SPNS3: variants seen among roughly 807,000 people sequenced by gnomAD.
SPNS3 encodes SPNS lysolipid transporter 3, sphingosine-1-phosphate (putative).
SPNS3 carries 51 observed loss-of-function variants against 54.4 expected under a neutral mutation model. The observed-to-expected ratio is 0.94, with a 90% CI of 0.75 to 1.18. The LOEUF is 1.18. Ranked by LOEUF, SPNS3 falls within the 50% of genes most tolerant of loss-of-function variation. The probability of loss-of-function intolerance (pLI) is 0.00; values close to 1 mark genes in which losing one functional copy is unlikely to be tolerated. For synonymous variants in SPNS3, 309 were observed against 294.7 expected (o/e 1.05, Z -0.50); for missense variants, 669 against 677.4 (o/e 0.99, Z 0.14).
intron 8 of SPNS3, among the ~76,000 whole-genome samples, chr17:4,454,728 C>T (rs1294153546): frequency 1.4e-5 from 2 of 144,910 alleles, no homozygotes; most frequent in East Asian, 4.3e-4. Flanking sequence ...TCAAGTGATT[C>T]TCCTGACTCA....
chr17:4,444,220 C>CTT (rs201580393), intron 2 of SPNS3, among the ~76,000 whole-genome samples: 21 of 146,294 alleles, frequency 1.4e-4, no homozygotes, highest in South Asian at 8.7e-4. Flanking sequence ...TATGCTTATT[C>CTT]TTTTTTTTTT....
Position 4,487,810 on chromosome 17 carries a change from C to A in SPNS3, c.1455C>A (p.Thr485=), listed in dbSNP as rs1972362706. ...TGAGCATCTTTCCTCCTGCAGGGACCCCAGACAGCAATGATGTGGACAGCA... is the reference window on the plus strand; with the variant it reads ...TGAGCATCTTTCCTCCTGCAGGGACACCAGACAGCAATGATGTGGACAGCA... The part of the protein sequence containing the change: ...ETRAWQPVTG[T]PDSNDVDSND... Residue 485 remains threonine (T), a synonymous_variant, in exon 12 of 12, where the codon ACC becomes ACA. Transcript: ENST00000355530. 1 of 1,613,932 alleles carries A rather than the reference C, an allele frequency of 6.2e-7. No individual in the cohort carries two copies. Among genetic ancestry groups the A allele is most frequent in the African/African-American group, 1.3e-5 (1 of 74,958 alleles).
intron 2 of SPNS3, 199 bp from the exon 3 acceptor site, chr17:4,444,833 G>A (rs1476702358): frequency 4.7e-6 from 3 of 636,744 alleles, no homozygotes; most frequent in Non-Finnish European, 8.1e-6. Context: ...CCAGATTGAG[G>A]CCTCCACACT....
intron 2 of SPNS3, among the ~76,000 whole-genome samples, chr17:4,443,825 G>A (rs1207907169): frequency 6.6e-6 from 1 of 152,252 alleles, no homozygotes; most frequent in Non-Finnish European, 1.5e-5. Context: ...AGTGGGCCGG[G>A]CACAGTGGCC....
intron 8 of SPNS3, among the ~76,000 whole-genome samples, chr17:4,467,257 C>T (rs1209141894): frequency 2.6e-5 from 4 of 151,930 alleles, no homozygotes; most frequent in East Asian, 1.9e-4. Context: ...GACTGTCCAG[C>T]GCAGAGGTGA....
chr17:4,471,860 A>ATTT lies in SPNS3; in HGVS notation c.1114-6708_1114-6706dup, dbSNP rs766599416. On this transcript the variant is annotated intron_variant, in intron 8 of 11. Transcript: ENST00000355530. Reference sequence around the variant, plus strand: ...TCTTATCACCTATCTTTTAGGTTGGATTTTTTGTTTTTTTTTGAGACAGAG... The same window carrying ATTT: ...TCTTATCACCTATCTTTTAGGTTGGATTTTTTTTTGTTTTTTTTTGAGACAGAG... Among the ~76,000 whole-genome samples the ATTT allele has an allele frequency of 3.8e-4, 53 of 141,232 alleles. 1 individual carries two copies. Among genetic ancestry groups the ATTT allele is most frequent in the Non-Finnish European group, 5.3e-4 (35 of 65,794 alleles). 92.7% of individuals were successfully genotyped at this position (141,232 alleles called of 152,430 possible). A position where few individuals can be genotyped will look rare whatever the true frequency, so the allele number is the denominator to read the frequency against.
intron 1 of SPNS3, among the ~76,000 whole-genome samples, chr17:4,434,969 GT>G: frequency 6.6e-6 from 1 of 150,918 alleles, no homozygotes. Context: ...TGCCAGGCTA[GT>G]TTTTGTATTT....
Position 4,439,538 on chromosome 17 carries a change from T to G in SPNS3, c.200-120T>G, listed in dbSNP as rs1294682182. On this transcript the variant is annotated intron_variant, in intron 1 of 11. Coordinates refer to ENST00000355530, the MANE Select transcript of SPNS3 (RefSeq NM_182538.5). ...AGAGAGGGGGAGAGAACAGTGGGCT[T>G]GGGTGCCATGCCCTGTGCTGTGCTG... is the stretch of plus-strand genomic sequence containing the variant. 4 of 778,632 alleles carry G rather than the reference T, an allele frequency of 5.1e-6. No individual in the cohort carries two copies. In the South Asian group the frequency reaches 6.6e-5, roughly 13 times the overall value. 48.2% of individuals were successfully genotyped at this position (778,632 alleles called of 1,614,324 possible). A position where few individuals can be genotyped will look rare whatever the true frequency, so the allele number is the denominator to read the frequency against.
intron 6 of SPNS3, among the ~76,000 whole-genome samples, chr17:4,448,685 T>C (rs1290857366): frequency 6.6e-6 from 1 of 152,176 alleles, no homozygotes; most frequent in African/African-American, 2.4e-5. Flanking sequence ...CACTCACCTC[T>C]CCAAGCCTCA....
At chr17:4,447,062 C>A in intron 5 of SPNS3, 100 bp downstream of exon 5, 1 of 1,222,864 alleles carries the variant, frequency 8.2e-7, no homozygotes, top group Non-Finnish European at 1.1e-6. Flanking sequence ...CACCCGGCGC[C>A]ATTAGGGGGA....
intron 9 of SPNS3, among the ~76,000 whole-genome samples, chr17:4,484,596 C>T (rs1056882372): frequency 6.6e-6 from 1 of 152,216 alleles, no homozygotes; most frequent in Non-Finnish European, 1.5e-5. Flanking sequence ...GCTGGGATTA[C>T]AGGTGTGAGC....
chr17:4,436,483 C>T (rs1165475816), intron 1 of SPNS3, among the ~76,000 whole-genome samples: 2 of 148,748 alleles, frequency 1.3e-5, no homozygotes, highest in African/African-American at 2.5e-5. Flanking sequence ...TCTCGGGAGG[C>T]TGAAGCAGGA....
chr17:4,450,070 C>A (rs947406055), intron 7 of SPNS3, among the ~76,000 whole-genome samples: 2 of 151,808 alleles, frequency 1.3e-5, no homozygotes, highest in Admixed American at 6.6e-5. Context: ...CTCCTCCCTG[C>A]CTCCAGGGGC....
chr17:4,450,108 C>T (rs1179258079), intron 7 of SPNS3, among the ~76,000 whole-genome samples: 4 of 151,932 alleles, frequency 2.6e-5, no homozygotes, highest in Non-Finnish European at 1.5e-5. Flanking sequence ...GCAGTCCCCT[C>T]CTCCTCTCTG....
At position 4,448,176 on chromosome 17, in the gene SPNS3, G is replaced by A. The variant is rs769788274; in HGVS notation, c.643G>A (p.Val215Met). ...ALRVMPCLEA[V>M]ALILLILLVP... The stretch of plus-strand genomic sequence containing the variant: ...CCAGGTCATGCCCTGCCTGGAGGCC[G>A]TGGCCTTGATCCTGCTTATCCTGCT... Residue 215 changes from valine to methionine, a missense_variant, in exon 6 of 12, where the codon GTG becomes ATG. By Grantham distance (21) the Val-to-Met change is conservative (BLOSUM62 1). Coordinates refer to ENST00000355530, the MANE Select transcript of SPNS3 (RefSeq NM_182538.5). 1.2e-5 allele frequency: 19 copies of A among 1,598,194 alleles called. No individual in the cohort carries two copies. The South Asian group carries it at 1.6e-4, about 13-fold the overall frequency.
chr17:4,437,421 C>A (rs1306925344), intron 1 of SPNS3, among the ~76,000 whole-genome samples: 1 of 152,044 alleles, frequency 6.6e-6, no homozygotes, highest in Non-Finnish European at 1.5e-5. Flanking sequence ...AAAAGGGGGA[C>A]TTTGAGAGGC....
At chr17:4,444,514 C>T (rs867698342) in intron 2 of SPNS3, among the ~76,000 whole-genome samples, 5 of 152,056 alleles carry the variant, frequency 3.3e-5, no homozygotes, top group Admixed American at 6.6e-5. Flanking sequence ...TGAGCCACCG[C>T]GCCCGGCCCA....
At chr17:4,449,037 G>A (rs1971081965) in intron 6 of SPNS3, among the ~76,000 whole-genome samples, 198 bp from the exon 7 acceptor site, 1 of 152,122 alleles carries the variant, frequency 6.6e-6, no homozygotes, top group South Asian at 2.1e-4. Flanking sequence ...TGGAGCTTGG[G>A]GTAACCTGAG....
chr17:4,446,721 AGG>A, intron 4 of SPNS3, 173 bp from the exon 5 acceptor site: 1 of 640,872 alleles, frequency 1.6e-6, no homozygotes, highest in South Asian at 1.8e-5. Context: ...GACCTGACCG[AGG>A]GCAGTGGACA....
Sources: allele counts gnomAD v4.1 joint callset (sites outside exome capture counted in the v4.1 genomes callset), GRCh38; gene constraint gnomAD v4.1.1; transcripts MANE v1.5; gene names NCBI Gene and HGNC (gene_info 2026-07-23, HGNC 2026-07-21).